SLC35F1: variants seen among roughly 807,000 people sequenced by gnomAD.
SLC35F1 encodes solute carrier family 35 member F1.
In SLC35F1, 14 loss-of-function variants were observed where a neutral mutation model predicts 48.7. That is an observed-to-expected ratio of 0.29 (90% CI 0.19 to 0.45). The LOEUF (loss-of-function observed/expected upper bound fraction) is 0.45, where lower values mean the gene tolerates loss of function less well. Ranked by LOEUF, SLC35F1 falls within the 20% of genes least tolerant of loss-of-function variation. SLC35F1 has a pLI of 1.00. For synonymous variants in SLC35F1, 190 were observed against 202.2 expected, an observed-to-expected ratio of 0.94 and a Z score of 0.51; for missense variants, 404 against 500.0, an observed-to-expected ratio of 0.81 and a Z score of 1.83.
At chr6:118,095,786 G>A (rs745976262) in intron 1 of SLC35F1, among the ~76,000 whole-genome samples, 41 of 152,156 alleles carry the variant, frequency 2.7e-4, no homozygotes, top group Non-Finnish European at 4.9e-4. Context: ...AAATGGAAGT[G>A]GAGTCAGAAA....
chr6:118,041,507 T>A (rs1772219203), intron 1 of SLC35F1, among the ~76,000 whole-genome samples: 1 of 152,080 alleles, frequency 6.6e-6, no homozygotes, highest in Admixed American at 6.6e-5. Flanking sequence ...ATCCTAGATA[T>A]TGGAGATATA....
intron 1 of SLC35F1, among the ~76,000 whole-genome samples, chr6:118,084,542 C>G (rs923798343): frequency 1.3e-5 from 2 of 152,032 alleles, no homozygotes; most frequent in African/African-American, 4.8e-5. Flanking sequence ...GCTTTACCTT[C>G]TAGTGGGGGA....
chr6:118,289,547 C>T (rs1335922780), intron 7 of SLC35F1, among the ~76,000 whole-genome samples: 1 of 152,144 alleles, frequency 6.6e-6, no homozygotes, highest in Non-Finnish European at 1.5e-5. Flanking sequence ...TATATTTTTA[C>T]AGTGCACATA....
chr6:117,980,303 A>G lies in SLC35F1; in HGVS notation c.173+72404A>G, dbSNP rs1448452738. 2.6e-5 allele frequency among the ~76,000 whole-genome samples: 4 copies of G among 152,286 alleles called. No homozygotes were observed. The East Asian group carries it at 7.7e-4, about 29-fold the overall frequency. ...AGGATGCACATCATTAAAGAAATGT[A>G]AGGGGTGGCAGGAGGTACAAGCACC... On this transcript the variant is annotated intron_variant, in intron 1 of 7. Coordinates refer to ENST00000360388, the MANE Select transcript of SLC35F1 (RefSeq NM_001029858.4).
chr6:118,218,378 G>A (rs922011914), intron 2 of SLC35F1, among the ~76,000 whole-genome samples: 1 of 152,240 alleles, frequency 6.6e-6, no homozygotes, highest in East Asian at 1.9e-4. Flanking sequence ...AGCACTCTCC[G>A]TTGAAGTCAG....
At chr6:118,178,555 A>C (rs78357874) in intron 2 of SLC35F1, among the ~76,000 whole-genome samples, 13 of 152,084 alleles carry the variant, frequency 8.5e-5, no homozygotes, top group Non-Finnish European at 1.5e-4. Context: ...CAAATAGCTC[A>C]AGAAGAATCA....
At chr6:118,198,069 T>C (rs1017063802) in intron 2 of SLC35F1, among the ~76,000 whole-genome samples, 4 of 152,236 alleles carry the variant, frequency 2.6e-5, no homozygotes, top group African/African-American at 9.6e-5. Context: ...AGGTGACTTG[T>C]GGACTCTCAG....
At chr6:118,266,521 A>G (rs1033070330) in intron 3 of SLC35F1, among the ~76,000 whole-genome samples, 1 of 152,212 alleles carries the variant, frequency 6.6e-6, no homozygotes, top group African/African-American at 2.4e-5. Context: ...GAGAAATTAA[A>G]TTCAACTTTT....
chr6:117,968,529 C>T (rs987752830), intron 1 of SLC35F1, among the ~76,000 whole-genome samples: 5 of 152,116 alleles, frequency 3.3e-5, no homozygotes, highest in South Asian at 2.1e-4. Flanking sequence ...ACCAATATTT[C>T]GTTGCAACTA....
intron 1 of SLC35F1, among the ~76,000 whole-genome samples, chr6:117,996,351 C>T (rs1467716642): frequency 2.0e-5 from 3 of 152,140 alleles, no homozygotes; most frequent in Admixed American, 6.5e-5. Context: ...GGAACAGCTC[C>T]GGTCTACAGC....
chr6:118,069,190 C>A (rs1439115465), intron 1 of SLC35F1, among the ~76,000 whole-genome samples: 1 of 152,112 alleles, frequency 6.6e-6, no homozygotes, highest in East Asian at 1.9e-4. Context: ...AATTAACCAC[C>A]TTATTTGTAT....
At chr6:118,000,744 A>C (rs932410794) in intron 1 of SLC35F1, among the ~76,000 whole-genome samples, 1 of 152,250 alleles carries the variant, frequency 6.6e-6, no homozygotes, top group Admixed American at 6.5e-5. Context: ...AAGCAACTTC[A>C]GCTAAGTCTC....
intron 2 of SLC35F1, among the ~76,000 whole-genome samples, chr6:118,210,352 C>T (rs1774986647): frequency 1.3e-5 from 2 of 152,140 alleles, no homozygotes; most frequent in Admixed American, 1.3e-4. Context: ...GATTTTACTG[C>T]CTAATCTATG....
chr6:117,952,162 A>G (rs971129208), intron 1 of SLC35F1, among the ~76,000 whole-genome samples: 1 of 152,020 alleles, frequency 6.6e-6, no homozygotes, highest in Admixed American at 6.6e-5. Flanking sequence ...CTTTGCTCAC[A>G]CTTGTGTGTG....
At chr6:118,086,511 G>C (rs1410554806) in intron 1 of SLC35F1, among the ~76,000 whole-genome samples, 4 of 152,168 alleles carry the variant, frequency 2.6e-5, no homozygotes, top group Non-Finnish European at 5.9e-5. Flanking sequence ...ACTCATTCCT[G>C]GTTCTTCAAT....
intron 2 of SLC35F1, among the ~76,000 whole-genome samples, chr6:118,206,803 T>A (rs1433992793): frequency 4.6e-5 from 7 of 152,172 alleles, no homozygotes; most frequent in African/African-American, 1.7e-4. Flanking sequence ...GAACTAGCTG[T>A]ACTGTGAGCT....
intron 1 of SLC35F1, among the ~76,000 whole-genome samples, chr6:118,025,980 G>A (rs1771932730): frequency 6.6e-6 from 1 of 152,180 alleles, no homozygotes; most frequent in Admixed American, 6.5e-5. Context: ...TTCAACACAT[G>A]CTTTTGGGTA....
chr6:118,118,289 A>C (rs903950749), intron 1 of SLC35F1, among the ~76,000 whole-genome samples: 1 of 152,150 alleles, frequency 6.6e-6, no homozygotes, highest in African/African-American at 2.4e-5. Context: ...AACACTGATA[A>C]ATTTATTGTG....
intron 1 of SLC35F1, among the ~76,000 whole-genome samples, chr6:118,096,733 A>G (rs1330160855): frequency 6.6e-6 from 1 of 152,198 alleles, no homozygotes; most frequent in African/African-American, 2.4e-5. Context: ...CCATTTATTC[A>G]TTCAATGTGT....
Sources: allele counts gnomAD v4.1 joint callset (sites outside exome capture counted in the v4.1 genomes callset), GRCh38; gene constraint gnomAD v4.1.1; transcripts MANE v1.5; gene names NCBI Gene and HGNC (gene_info 2026-07-23, HGNC 2026-07-21).